The following ZNF479 variants were observed in gnomAD, a reference collection of about 807,000 sequenced individuals.
ZNF479 encodes the protein KRAB zinc finger protein KR19.
A neutral mutation model predicts 14.7 loss-of-function variants in ZNF479; 15 were observed. The ratio of observed to expected loss-of-function variants is 1.02; its 90% CI spans 0.68 to 1.57. ZNF479 has a LOEUF of 1.57. Ranked by LOEUF, ZNF479 falls within the 40% of genes most tolerant of loss-of-function variation. The pLI is 0.00. For synonymous variants in ZNF479, 145 were observed against 211.5 expected (o/e 0.69, Z 2.73); for missense variants, 506 against 615.1 (o/e 0.82, Z 1.88).
chr7:57,137,056 A>T (rs74995705), upstream of ZNF479, among the ~76,000 whole-genome samples: 58 of 152,338 alleles, frequency 3.8e-4, 1 homozygote, highest in East Asian at 0.011. Context: ...AGGTTATGGT[A>T]GTGAAGTTCA....
chr7:57,124,227 A>G (rs1304150119), intron 3 of ZNF479, among the ~76,000 whole-genome samples: 2 of 152,180 alleles, frequency 1.3e-5, no homozygotes, highest in African/African-American at 4.8e-5. Context: ...ACATAATAAA[A>G]AGCTGCAATA....
At chr7:57,135,973 ATC>A (rs57853604), upstream of ZNF479, among the ~76,000 whole-genome samples, 4,638 of 125,140 alleles carry the variant, frequency 0.037, 121 homozygotes, top group African/African-American at 0.091. Context: ...CTCTCTCTCA[ATC>A]TCTCTCTCTC....
At chr7:57,127,860 A>G (rs190829081) in intron 1 of ZNF479, among the ~76,000 whole-genome samples, 1 of 143,076 alleles carries the variant, frequency 7.0e-6, no homozygotes, top group Non-Finnish European at 1.5e-5. Flanking sequence ...ACACAACACA[A>G]CATCACTGCT....
At chr7:57,123,252 T>C (rs1786026881) in intron 3 of ZNF479, among the ~76,000 whole-genome samples, 1 of 152,114 alleles carries the variant, frequency 6.6e-6, no homozygotes, top group South Asian at 2.1e-4. Context: ...AGGAGCCAGG[T>C]TCCTTTAAGC....
chr7:57,120,290 A>G lies in ZNF479; in HGVS notation c.1125T>C (p.His375=), dbSNP rs146543279. ...CACATGTGTAGGGTTTCTCTCCAGTATGAATTCTCCTATGTCTCATAAGGT... is the reference window on the plus strand; with the variant it reads ...CACATGTGTAGGGTTTCTCTCCAGTGTGAATTCTCCTATGTCTCATAAGGT... ...SSNLMRHRRI[H]TGEKPYTCEE... The change falls in exon 4 of 4, where the codon CAT becomes CAC. Residue 375 remains histidine (H), a synonymous_variant. Coordinates refer to ENST00000319636, the MANE Select transcript of ZNF479 (RefSeq NM_001370129.2). 6.2e-7 allele frequency: 1 copy of G among 1,609,398 alleles called. No homozygotes were observed. Among genetic ancestry groups the G allele is most frequent in the Admixed American group, 1.7e-5 (1 of 59,772 alleles).
At chr7:57,136,657 T>C (rs969208138), upstream of ZNF479, among the ~76,000 whole-genome samples, 3 of 152,220 alleles carry the variant, frequency 2.0e-5, no homozygotes, top group Non-Finnish European at 4.4e-5. Context: ...GAGACTCCAA[T>C]GGAGACTGCT....
At chr7:57,122,934 A>C (rs1786015104) in intron 3 of ZNF479, among the ~76,000 whole-genome samples, 1 of 152,150 alleles carries the variant, frequency 6.6e-6, no homozygotes. Context: ...ATAGCAACAC[A>C]AAATTATAAA....
At chr7:57,139,066 A>G (rs150074530) in intron 1 of ZNF479, among the ~76,000 whole-genome samples, 23 of 152,316 alleles carry the variant, frequency 1.5e-4, no homozygotes, top group Middle Eastern at 3.4e-3. Flanking sequence ...AAATGTCTCA[A>G]AGCAGATTGT....
In ZNF479 at chr7:57,120,366, T is replaced by C; in HGVS notation, c.1049A>G (p.Glu350Gly). ...ACATTCTTCACAGGCATAGGGTTTC[T>C]CTCTAGTATGAATTCTCTTATGTCT... ...LTRHKRIHTREKPYACEECGQ... is the reference protein window; with the variant it reads ...LTRHKRIHTRGKPYACEECGQ... The change falls in exon 4 of 4, where the codon GAG (glutamate) becomes GGG (glycine). Residue 350 changes from glutamate (E) to glycine (G), a missense_variant. Glu to Gly is a moderately conservative substitution (Grantham distance 98). This residue lies in a region of ZNF479 where 420 missense variants were observed against 474.2 expected (regional missense o/e 0.89). Transcript: ENST00000319636. 1.2e-6 allele frequency: 2 copies of C among 1,613,566 alleles called. No individual in the cohort carries two copies. The highest frequency in any genetic ancestry group is 1.7e-6 in the Non-Finnish European group (2 of 1,179,790).
At chr7:57,123,576 G>T (rs1387910987) in intron 3 of ZNF479, among the ~76,000 whole-genome samples, 1 of 152,138 alleles carries the variant, frequency 6.6e-6, no homozygotes, top group Admixed American at 6.6e-5. Flanking sequence ...GCTCACAGGT[G>T]TAATCCCAGC....
At chr7:57,136,471 CTTG>C (rs768648310), upstream of ZNF479, among the ~76,000 whole-genome samples, 3 of 152,110 alleles carry the variant, frequency 2.0e-5, no homozygotes, top group Non-Finnish European at 4.4e-5. Context: ...AAATTTCCCT[CTTG>C]TTTTATGTTC....
Position 57,120,740 on chromosome 7 carries a change from G to A in ZNF479, c.675C>T (p.Ser225=), listed in dbSNP as rs1404701576. ...TTATTTTATGTGTAGTATGGTTTGAGGAGCAGTTAAAGGATTTGCCACATT... is the reference window on the plus strand; with the variant it reads ...TTATTTTATGTGTAGTATGGTTTGAAGAGCAGTTAAAGGATTTGCCACATT... ...CKECGKSFNC[S]SNHTTHKIIH... is the part of the protein sequence containing the mutation. The change falls in exon 4 of 4, where the codon TCC becomes TCT. Residue 225 remains serine (S), a synonymous_variant. Coordinates refer to ENST00000319636, the MANE Select transcript of ZNF479 (RefSeq NM_001370129.2). 3 of 1,612,570 alleles carry A rather than the reference G, an allele frequency of 1.9e-6. No homozygotes were observed. Among genetic ancestry groups the A allele is most frequent in the African/African-American group, 1.3e-5 (1 of 74,954 alleles).
At chr7:57,130,276 C>A (rs1786356078) in intron 1 of ZNF479, among the ~76,000 whole-genome samples, 2 of 152,114 alleles carry the variant, frequency 1.3e-5, no homozygotes, top group Non-Finnish European at 2.9e-5. Flanking sequence ...GGTTTGAGAC[C>A]AGCCTAGCCA....
At position 57,119,977 on chromosome 7, in the gene ZNF479, G is replaced by A. The variant is rs1404841831; in HGVS notation, c.1438C>T (p.Leu480Phe). The change falls in exon 4 of 4, where the codon CTT (leucine) becomes TTT (phenylalanine). Residue 480 changes from leucine (L) to phenylalanine (F), a missense_variant. Physicochemically the swap from Leu to Phe is conservative, Grantham distance 22. Coordinates refer to ENST00000319636, the MANE Select transcript of ZNF479 (RefSeq NM_001370129.2). ...GTATGAATTCTCTTATGTTGCATAA[G>A]GGTTGAGGAGCAATTAAAGGCTTTG... ...CGKAFNCSST[L>F]MQHKRIHTGE... 2.5e-6 allele frequency: 4 copies of A among 1,613,656 alleles called. No individual in the cohort carries two copies. Among genetic ancestry groups the A allele is most frequent in the Non-Finnish European group, 1.7e-6 (2 of 1,179,830 alleles).
chr7:57,130,895 G>A (rs1338145692), intron 1 of ZNF479, among the ~76,000 whole-genome samples: 1 of 152,224 alleles, frequency 6.6e-6, no homozygotes, highest in Non-Finnish European at 1.5e-5. Flanking sequence ...AACGTCGTAT[G>A]TAAACACCAC....
At position 57,126,096 on chromosome 7, in the gene ZNF479, G is replaced by A; in HGVS notation, c.184C>T (p.Pro62Ser). ...TGCTCCAGACAGGTGATCAAGTCTG[G>A]CTTAGAGACAGCAATACCTGTTTTA... Reference protein sequence around the residue: ...LVSLGIAVSKPDLITCLEQNK... With the variant: ...LVSLGIAVSKSDLITCLEQNK... The change falls in exon 3 of 4, where the codon CCA becomes TCA. Residue 62 changes from proline (P) to serine (S), a missense_variant. By Grantham distance (74) the Pro-to-Ser change is moderately conservative. Transcript: ENST00000319636. 1.3e-6 allele frequency: 2 copies of A among 1,599,910 alleles called. No homozygotes were observed. The highest frequency in any genetic ancestry group is 8.5e-7 in the Non-Finnish European group (1 of 1,179,138).
Position 57,119,834 on chromosome 7 carries a change from G to C in ZNF479, c.*6C>G. On this transcript the variant is annotated 3_prime_UTR_variant, in exon 4 of 4. Coordinates refer to ENST00000319636, the MANE Select transcript of ZNF479 (RefSeq NM_001370129.2). Reference sequence around the variant, plus strand: ...ATTATAAGGCCTGAGGGTGGACTTTGCCATATTATTCACATTTGTAGGGTT... The same window carrying C: ...ATTATAAGGCCTGAGGGTGGACTTTCCCATATTATTCACATTTGTAGGGTT... The C allele has an allele frequency of 6.2e-7, 1 of 1,610,632 alleles. No homozygotes were observed. Among genetic ancestry groups the C allele is most frequent in the Non-Finnish European group, 8.5e-7 (1 of 1,177,914 alleles).
At chr7:57,139,158 C>T (rs1002011930) in intron 1 of ZNF479, among the ~76,000 whole-genome samples, 1 of 152,206 alleles carries the variant, frequency 6.6e-6, no homozygotes, top group African/African-American at 2.4e-5. Flanking sequence ...GAGATTGTGA[C>T]TCTCATATGC....
Position 57,119,057 on chromosome 7 carries a change from G to A in ZNF479, c.*783C>T, listed in dbSNP as rs1299690217. On this transcript the variant is annotated 3_prime_UTR_variant, in exon 4 of 4. Transcript: ENST00000319636. The stretch of plus-strand genomic sequence containing the variant: ...GTAAGCATGGAGAACCAGTTAAAGG[G>A]TTTGCCACATTTTTTTCTGCAATTG... Among the ~76,000 whole-genome samples the A allele has an allele frequency of 1.2e-4, 18 of 152,200 alleles. No homozygotes were observed. Among genetic ancestry groups the A allele is most frequent in the African/African-American group, 4.3e-4 (18 of 41,548 alleles).
Sources: gnomAD v4.1 joint callset for allele counts (sites outside exome capture counted in the v4.1 genomes callset) on GRCh38, gnomAD v4.1.1 for gene constraint, gnomAD v4.1.1 regional missense constraint, MANE v1.5 for transcripts, NCBI Gene and HGNC (gene_info 2026-07-23, HGNC 2026-07-21) for gene names.